The following DOCK1 variants were observed in gnomAD, a reference collection of about 807,000 sequenced individuals.
DOCK1 encodes the protein dedicator of cytokinesis protein 1.
In DOCK1, 138 loss-of-function variants were observed where a neutral mutation model predicts 262.7. The ratio of observed to expected loss-of-function variants is 0.53; its 90% confidence interval spans 0.46 to 0.61. DOCK1 has a LOEUF of 0.61. Ranked by LOEUF, DOCK1 falls within the 20% of genes least tolerant of loss-of-function variation. The pLI, the probability that DOCK1 is intolerant of heterozygous loss-of-function variation, is 0.00. For missense variants in DOCK1, 1,908 were observed against 2,370.7 expected, an observed-to-expected ratio of 0.80 and a Z score of 4.05; for synonymous variants, 866 against 867.4, an observed-to-expected ratio of 1.00 and a Z score of 0.03.
intron 27 of DOCK1, among the ~76,000 whole-genome samples, chr10:127,223,875 C>T (rs1159352590): frequency 6.6e-6 from 1 of 152,136 alleles, no homozygotes; most frequent in African/African-American, 2.4e-5. Context: ...CAGTGAGGCT[C>T]AGGGTGGAGC....
intron 33 of DOCK1, among the ~76,000 whole-genome samples, chr10:127,372,546 T>C (rs2065262701): frequency 6.6e-6 from 1 of 152,236 alleles, no homozygotes; most frequent in South Asian, 2.1e-4. Flanking sequence ...TTCAGTAGTT[T>C]ATGTGCACAC....
chr10:127,193,020 A>T (rs1313716074), intron 27 of DOCK1, among the ~76,000 whole-genome samples: 1 of 152,346 alleles, frequency 6.6e-6, no homozygotes, highest in Non-Finnish European at 1.5e-5. Flanking sequence ...CATGGTAATG[A>T]AAGTGTCGTC....
At chr10:127,093,210 C>CTTTCTTTCTTTCTTTGTTTCTTTG (rs1462296050) in intron 23 of DOCK1, among the ~76,000 whole-genome samples, 47 of 119,008 alleles carry the variant, frequency 3.9e-4, no homozygotes, top group Non-Finnish European at 6.1e-4. Flanking sequence ...TTCTTTCTTT[C>CTTTCTTTCTTTCTTTGTTTCTTTG]TTTCTTTCTT....
At chr10:127,077,390 GTC>G (rs1397552036) in intron 23 of DOCK1, among the ~76,000 whole-genome samples, 1 of 152,104 alleles carries the variant, frequency 6.6e-6, no homozygotes, top group Non-Finnish European at 1.5e-5. Context: ...GCGAGACTGT[GTC>G]TCAAAATAAA....
intron 23 of DOCK1, among the ~76,000 whole-genome samples, chr10:127,070,123 CT>C (rs948352203): frequency 1.3e-5 from 2 of 151,946 alleles, no homozygotes; most frequent in Non-Finnish European, 2.9e-5. Context: ...CTCTTCTCTT[CT>C]TATGAGGTTG....
intron 29 of DOCK1, among the ~76,000 whole-genome samples, chr10:127,286,487 A>C (rs1197710393): frequency 6.6e-6 from 1 of 152,186 alleles, no homozygotes; most frequent in East Asian, 1.9e-4. Flanking sequence ...GAAGTAGAAT[A>C]GTAGTTATAC....
rs370555364 is a variant in DOCK1 at position 127,293,596 on chromosome 10, G to A, written c.3044+36167G>A. On this transcript the variant is annotated intron_variant, in intron 29 of 51. Transcript: ENST00000623213. ...GCTTCCCCCTGACCCCATCCCACCC[G>A]CAGGTTGGCAGCTCATCCTCTTCCA... Among the ~76,000 whole-genome samples, 7 of 152,278 alleles carry A rather than the reference G, an allele frequency of 4.6e-5. No homozygotes were observed. The South Asian group carries it at 6.2e-4, about 14-fold the overall frequency.
intron 24 of DOCK1, among the ~76,000 whole-genome samples, chr10:127,107,102 G>A (rs2048576094): frequency 6.6e-6 from 1 of 152,004 alleles, no homozygotes; most frequent in African/African-American, 2.4e-5. Context: ...AATTACCGAC[G>A]TGCGCCACCG....
At chr10:126,939,396 T>C (rs1052718276) in intron 1 of DOCK1, among the ~76,000 whole-genome samples, 75 of 152,308 alleles carry the variant, frequency 4.9e-4, no homozygotes, top group Middle Eastern at 6.8e-3. Context: ...TTTTTCAAGA[T>C]TGTTTTGGCT....
chr10:126,996,516 A>G (rs2040204314), intron 6 of DOCK1, among the ~76,000 whole-genome samples: 1 of 149,638 alleles, frequency 6.7e-6, no homozygotes, highest in South Asian at 2.1e-4. Context: ...GTTGATTGCA[A>G]TGGAAATAAA....
rs547959628 is a variant in DOCK1, at chr10:126,977,822, A to G, written c.131-126A>G. Reference sequence around the variant, plus strand: ...TATCTCCAAAGCCTTAGGTTCACTGAAAAATGCTGGTGACAAACTGACCTC... The same window carrying G: ...TATCTCCAAAGCCTTAGGTTCACTGGAAAATGCTGGTGACAAACTGACCTC... On this transcript the variant is annotated intron_variant, in intron 2 of 51. Coordinates refer to ENST00000623213, the MANE Select transcript of DOCK1 (RefSeq NM_001290223.2). 249 of 919,616 alleles carry G rather than the reference A, an allele frequency of 2.7e-4. 2 individuals carry two copies. In the African/African-American group the frequency reaches 3.8e-3, roughly 14 times the overall value. The allele number at this position is 919,616 out of a possible 1,614,324, so 57.0% of individuals were successfully genotyped here.
intron 9 of DOCK1, 90 bp from the exon 10 acceptor site, chr10:127,000,082 G>A (rs1350515862): frequency 1.4e-6 from 2 of 1,456,824 alleles, no homozygotes; most frequent in Non-Finnish European, 1.9e-6. Flanking sequence ...TCTGAGAAGA[G>A]TCTCAATCCA....
intron 27 of DOCK1, among the ~76,000 whole-genome samples, chr10:127,132,297 C>T (rs980645446): frequency 2.0e-5 from 3 of 152,048 alleles, no homozygotes; most frequent in African/African-American, 2.4e-5. Context: ...TGCTATGATC[C>T]GAAGTATTAC....
intron 1 of DOCK1, among the ~76,000 whole-genome samples, chr10:126,921,562 A>G (rs2033200743): frequency 6.6e-6 from 1 of 152,152 alleles, no homozygotes; most frequent in Admixed American, 6.5e-5. Context: ...GGAGGGCGTG[A>G]TGGGGAGTGG....
chr10:127,112,211 C>T (rs1018491827), intron 25 of DOCK1, among the ~76,000 whole-genome samples: 3 of 152,092 alleles, frequency 2.0e-5, no homozygotes, highest in African/African-American at 4.8e-5. Context: ...GGGGTTTCAC[C>T]ATGTTGGTCA....
At chr10:127,093,180 T>G (rs908402888) in intron 23 of DOCK1, among the ~76,000 whole-genome samples, 33 of 151,364 alleles carry the variant, frequency 2.2e-4, no homozygotes, top group African/African-American at 7.8e-4. Context: ...CAGCTTTGCA[T>G]CTGAATCTCC....
At chr10:127,072,258 T>A (rs955062509) in intron 23 of DOCK1, among the ~76,000 whole-genome samples, 2 of 152,172 alleles carry the variant, frequency 1.3e-5, no homozygotes, top group Non-Finnish European at 2.9e-5. Context: ...ATTCCTTCAA[T>A]CATATGTTCA....
intron 27 of DOCK1, among the ~76,000 whole-genome samples, chr10:127,149,586 A>T (rs945002270): frequency 2.0e-5 from 3 of 152,190 alleles, no homozygotes; most frequent in Non-Finnish European, 4.4e-5. Context: ...AACACGGTGG[A>T]TAGCTATGCT....
chr10:127,285,672 C>T (rs549714144), intron 29 of DOCK1, among the ~76,000 whole-genome samples: 7 of 152,334 alleles, frequency 4.6e-5, no homozygotes, highest in South Asian at 2.1e-4. Flanking sequence ...GTGGAAGGTG[C>T]GGTCAGACCG....
Sources: allele counts gnomAD v4.1 joint callset (sites outside exome capture counted in the v4.1 genomes callset), GRCh38; gene constraint gnomAD v4.1.1; transcripts MANE v1.5; gene names NCBI Gene and HGNC (gene_info 2026-07-23, HGNC 2026-07-21).